The following TBC1D4 variants were observed in gnomAD, a reference collection of about 807,000 sequenced individuals.
TBC1D4 encodes TBC1 domain family member 4.
Under a neutral mutation model 142.5 loss-of-function variants are expected in TBC1D4, and 121 were observed. The observed-to-expected ratio is 0.85, with a 90% CI of 0.73 to 0.99. TBC1D4 has a LOEUF of 0.99. TBC1D4 is among the 50% of genes least tolerant of loss of function. TBC1D4 has a pLI of 0.00. For synonymous variants in TBC1D4, 630 were observed against 628.2 expected (o/e 1.00, Z -0.04); for missense variants, 1,475 against 1,606.6 (o/e 0.92, Z 1.40).
At chr13:75,294,049 A>G (rs747443784) in intron 18 of TBC1D4, among the ~76,000 whole-genome samples, 1 of 152,226 alleles carries the variant, frequency 6.6e-6, no homozygotes, top group African/African-American at 2.4e-5. Flanking sequence ...TTCTAAGGCT[A>G]CTGAGGTCCT....
intron 19 of TBC1D4, 131 bp downstream of exon 19, chr13:75,291,971 A>G: frequency 1.2e-6 from 1 of 804,442 alleles, no homozygotes; most frequent in South Asian, 2.0e-5. Flanking sequence ...ATTTCACAAT[A>G]GTCCCCTTTC....
At position 75,445,248 on chromosome 13, in the gene TBC1D4, ATCAC is replaced by A. The variant is rs1490734215; in HGVS notation, c.498+36018_498+36021del. The stretch of plus-strand genomic sequence containing the variant: ...AATAATCTATGTGTATATACTGTAC[ATCAC>A]TCTATTCCATACAACACATAGAACA... On this transcript the variant is annotated intron_variant, in intron 1 of 20. Transcript: ENST00000377636. 2.0e-5 allele frequency among the ~76,000 whole-genome samples: 3 copies of A among 152,366 alleles called. No homozygotes were observed. The East Asian group carries it at 5.8e-4, about 29-fold the overall frequency.
chr13:75,430,588 G>T (rs537762578), intron 1 of TBC1D4, among the ~76,000 whole-genome samples: 1 of 152,206 alleles, frequency 6.6e-6, no homozygotes, highest in Non-Finnish European at 1.5e-5. Flanking sequence ...CTTGTTAAGC[G>T]TCGTTGCTAT....
chr13:75,379,913 T>C (rs1186392113), intron 1 of TBC1D4, among the ~76,000 whole-genome samples: 1 of 77,912 alleles, frequency 1.3e-5, no homozygotes, highest in Non-Finnish European at 2.6e-5. Context: ...TTTTTTTTTT[T>C]TTTTTTTTTT....
chr13:75,351,298 A>T (rs774403587), intron 4 of TBC1D4, among the ~76,000 whole-genome samples: 3 of 152,220 alleles, frequency 2.0e-5, no homozygotes, highest in Non-Finnish European at 2.9e-5. Context: ...AGGACTTCAA[A>T]TATTATCTAG....
intron 1 of TBC1D4, 55 bp downstream of exon 1, chr13:75,481,215 C>CG: frequency 1.4e-5 from 17 of 1,244,360 alleles, no homozygotes; most frequent in Non-Finnish European, 1.6e-5. Flanking sequence ...TCCCGCCCTG[C>CG]TCCCCGATCC....
chr13:75,327,192 T>C (rs77106688), intron 9 of TBC1D4, among the ~76,000 whole-genome samples: 2,596 of 152,256 alleles, frequency 0.017, 31 homozygotes, highest in Middle Eastern at 0.051. Flanking sequence ...TTAGTGATAA[T>C]AGACTCATAG....
At position 75,317,117 on chromosome 13, in the gene TBC1D4, T is replaced by C. The variant is rs145441389; in HGVS notation, c.2222+2897A>G. 3.3e-5 allele frequency among the ~76,000 whole-genome samples: 5 copies of C among 152,244 alleles called. No homozygotes were observed. In the East Asian group the frequency reaches 9.7e-4, roughly 29 times the overall value. On this transcript the variant is annotated intron_variant, in intron 12 of 20. Coordinates refer to ENST00000377636, the MANE Select transcript of TBC1D4 (RefSeq NM_014832.5). ...AACTTGCCCACAGTCACACGGATAA[T>C]AAAGTGAAGGAACCAGGATGCAAAC...
chr13:75,292,438 T>C (rs1875412647), intron 18 of TBC1D4, among the ~76,000 whole-genome samples, 167 bp from the exon 19 acceptor site: 1 of 152,156 alleles, frequency 6.6e-6, no homozygotes. Flanking sequence ...ACTAAACATA[T>C]AAGCAGATGT....
In TBC1D4 at chr13:75,447,567, T is replaced by C. The variant is rs114832518; in HGVS notation, c.498+33703A>G. On this transcript the variant is annotated intron_variant, in intron 1 of 20. Transcript: ENST00000377636. ...CACTGACCAGTACTGTTTATATATA[T>C]ATATGCACACATATACGTATACTTT... is the stretch of plus-strand genomic sequence containing the variant. Among the ~76,000 whole-genome samples, 651 of 151,856 alleles carry C rather than the reference T, an allele frequency of 4.3e-3. 10 individuals are homozygous for C. The highest frequency in any genetic ancestry group is 0.014 in the African/African-American group (576 of 41,382).
At chr13:75,368,997 T>G (rs374814862) in intron 1 of TBC1D4, among the ~76,000 whole-genome samples, 4 of 151,554 alleles carry the variant, frequency 2.6e-5, no homozygotes, top group African/African-American at 9.7e-5. Context: ...TGAGCAGAGA[T>G]TGCACCACTG....
At chr13:75,422,204 C>T (rs1296504632) in intron 1 of TBC1D4, among the ~76,000 whole-genome samples, 2 of 152,062 alleles carry the variant, frequency 1.3e-5, no homozygotes, top group African/African-American at 4.8e-5. Flanking sequence ...AGTTCATCTG[C>T]CCCTCAGTCT....
chr13:75,301,706 T>G (rs1876574000), intron 16 of TBC1D4, among the ~76,000 whole-genome samples: 1 of 152,006 alleles, frequency 6.6e-6, no homozygotes, highest in Non-Finnish European at 1.5e-5. Flanking sequence ...AGGTCATGAG[T>G]ACCCATTCCT....
intron 1 of TBC1D4, among the ~76,000 whole-genome samples, chr13:75,449,130 G>A (rs766559440): frequency 6.6e-6 from 1 of 151,658 alleles, no homozygotes; most frequent in Non-Finnish European, 1.5e-5. Flanking sequence ...TAATACTAAC[G>A]TGTGTTGTAT....
At chr13:75,381,231 A>G (rs1212433476) in intron 1 of TBC1D4, among the ~76,000 whole-genome samples, 1 of 152,156 alleles carries the variant, frequency 6.6e-6, no homozygotes, top group East Asian at 1.9e-4. Flanking sequence ...TGATGTACAA[A>G]AAGTCTCCAA....
intron 1 of TBC1D4, among the ~76,000 whole-genome samples, chr13:75,411,548 C>A (rs1164725823): frequency 6.6e-6 from 1 of 152,140 alleles, no homozygotes; most frequent in East Asian, 1.9e-4. Flanking sequence ...TTTTTTGAGA[C>A]AGAGTCTCGC....
intron 1 of TBC1D4, among the ~76,000 whole-genome samples, chr13:75,465,833 A>G (rs541510775): frequency 5.3e-5 from 8 of 152,214 alleles, no homozygotes; most frequent in African/African-American, 1.9e-4. Context: ...GGTCTCCACA[A>G]CCCCTTATCT....
At chr13:75,341,873 G>A (rs1027156620) in intron 5 of TBC1D4, among the ~76,000 whole-genome samples, 1 of 152,212 alleles carries the variant, frequency 6.6e-6, no homozygotes, top group African/African-American at 2.4e-5. Flanking sequence ...CAACACTTTG[G>A]GAGGTGGAGA....
intron 1 of TBC1D4, among the ~76,000 whole-genome samples, chr13:75,457,779 ATC>A (rs1414659071): frequency 6.6e-6 from 1 of 152,094 alleles, no homozygotes; most frequent in African/African-American, 2.4e-5. Flanking sequence ...AGGCTTAGAA[ATC>A]TCTGTTGTCC....
Sources: allele counts gnomAD v4.1 joint callset (sites outside exome capture counted in the v4.1 genomes callset), GRCh38; gene constraint gnomAD v4.1.1; transcripts MANE v1.5; gene names NCBI Gene and HGNC (gene_info 2026-07-23, HGNC 2026-07-21).